GSE1: variants seen among roughly 807,000 people sequenced by gnomAD.
The protein encoded by GSE1 is Gse1 coiled-coil protein.
A neutral mutation model predicts 112.6 loss-of-function variants in GSE1; 32 were observed. The ratio of observed to expected loss-of-function variants is 0.28; its 90% CI spans 0.21 to 0.38. The LOEUF is 0.38. Ranked by LOEUF, GSE1 falls within the 10% of genes least tolerant of loss-of-function variation. GSE1 has a pLI of 1.00. For missense variants in GSE1, 2,348 were observed against 1,699.2 expected, an observed-to-expected ratio of 1.38 and a Z score of -6.71; for synonymous variants, 1,115 against 735.6, an observed-to-expected ratio of 1.52 and a Z score of -8.35.
intron 1 of GSE1, among the ~76,000 whole-genome samples, chr16:85,576,489 G>T (rs934769368): frequency 6.6e-6 from 1 of 152,152 alleles, no homozygotes; most frequent in East Asian, 1.9e-4. Flanking sequence ...TAGAGGCCTG[G>T]GGTAGATGCT....
intron 2 of GSE1, among the ~76,000 whole-genome samples, chr16:85,374,523 TGC>T (rs1194900104): frequency 1.5e-4 from 8 of 53,884 alleles, no homozygotes; most frequent in East Asian, 8.0e-4. Context: ...TGTCAGTGTG[TGC>T]GTGTGTGTGT....
At position 85,496,440 on chromosome 16, in the gene GSE1, G is replaced by A. The variant is rs570336307; in HGVS notation, c.2465-137474G>A. On this transcript the variant is annotated intron_variant, in intron 2 of 2. Coordinates refer to the GSE1 transcript ENST00000637419. Reference sequence around the variant, plus strand: ...GCACTGAGTGGAAGCTTCCAGAGAGGGAACCATTACTGTGCCCGGGAGACC... The same window carrying A: ...GCACTGAGTGGAAGCTTCCAGAGAGAGAACCATTACTGTGCCCGGGAGACC... Among the ~76,000 whole-genome samples the A allele has an allele frequency of 9.1e-4, 139 of 152,320 alleles. 1 individual carries two copies. The highest frequency in any genetic ancestry group is 8.5e-3 in the South Asian group (41 of 4,828).
At chr16:85,616,520 A>G (rs977732497) in intron 1 of GSE1, among the ~76,000 whole-genome samples, 1 of 152,186 alleles carries the variant, frequency 6.6e-6, no homozygotes, top group African/African-American at 2.4e-5. Context: ...CTCTCTGGGT[A>G]GCCTGTGAAT....
At chr16:85,344,069 G>A (rs899720823) in intron 1 of GSE1, among the ~76,000 whole-genome samples, 2 of 152,210 alleles carry the variant, frequency 1.3e-5, no homozygotes, top group Admixed American at 6.5e-5. Context: ...TGAGGACGCC[G>A]TGCCAGGGCC....
chr16:85,276,031 G>A lies in GSE1; in HGVS notation c.2284-81432G>A, dbSNP rs567351296. On this transcript the variant is annotated intron_variant, in intron 1 of 2. Coordinates refer to the GSE1 transcript ENST00000637419. The stretch of plus-strand genomic sequence containing the variant: ...CAAACAGGGACTGATAAGCAGTTGA[G>A]TCCTGTGCTAGCACAGTGCCACAGA... Among the ~76,000 whole-genome samples the A allele has an allele frequency of 1.6e-4, 25 of 152,384 alleles. No individual in the cohort carries two copies. In the South Asian group the frequency reaches 4.8e-3, roughly 29 times the overall value.
intron 2 of GSE1, among the ~76,000 whole-genome samples, chr16:85,545,928 G>A (rs532067676): frequency 1.2e-3 from 184 of 151,816 alleles, no homozygotes; most frequent in Admixed American, 0.011. Flanking sequence ...GACTACAGGC[G>A]CCCGCCACCA....
At chr16:85,569,412 G>A (rs185734050) in intron 1 of GSE1, among the ~76,000 whole-genome samples, 2 of 152,226 alleles carry the variant, frequency 1.3e-5, no homozygotes, top group African/African-American at 2.4e-5. Context: ...TTGAGTCCTT[G>A]TGTATGAGAC....
At chr16:85,229,884 GGGGGTAGA>G (rs2075552383) in intron 1 of GSE1, among the ~76,000 whole-genome samples, 1 of 152,226 alleles carries the variant, frequency 6.6e-6, no homozygotes, top group Admixed American at 6.5e-5. Context: ...AGGGTGAGAA[GGGGGTAGA>G]GGGCCCTCTT....
At chr16:85,603,390 C>T (rs1361280400) in intron 1 of GSE1, among the ~76,000 whole-genome samples, 1 of 152,218 alleles carries the variant, frequency 6.6e-6, no homozygotes, top group African/African-American at 2.4e-5. Context: ...ATCCGCACAG[C>T]CCGAAAGGGA....
intron 1 of GSE1, among the ~76,000 whole-genome samples, chr16:85,205,139 TA>T (rs1234611569): frequency 2.6e-5 from 4 of 151,996 alleles, no homozygotes; most frequent in Non-Finnish European, 5.9e-5. Flanking sequence ...ATTTATTTTT[TA>T]TTTTTTTGAG....
chr16:85,376,599 C>T (rs1033854903), intron 2 of GSE1, among the ~76,000 whole-genome samples: 2 of 152,192 alleles, frequency 1.3e-5, no homozygotes. Context: ...AGCCCTGGCT[C>T]TGTTCTCGAA....
chr16:85,628,930 C>T (rs2049300693), intron 1 of GSE1, among the ~76,000 whole-genome samples: 1 of 152,144 alleles, frequency 6.6e-6, no homozygotes, highest in African/African-American at 2.4e-5. Context: ...ATGTGTCCTC[C>T]AGTTTTGGAG....
intron 13 of GSE1, chr16:85,666,750 G>A (rs1242941715): frequency 4.5e-6 from 1 of 222,280 alleles, no homozygotes; most frequent in Non-Finnish European, 9.0e-6. Flanking sequence ...AGATGCAGAT[G>A]GCCGCCAGTC....
upstream of GSE1, among the ~76,000 whole-genome samples, chr16:85,612,032 T>C (rs1267297799): frequency 2.0e-5 from 3 of 151,732 alleles, no homozygotes; most frequent in East Asian, 2.0e-4. Context: ...GGGGTGCTGG[T>C]TTGCCCCAGG....
Position 85,368,637 on chromosome 16 carries a change from C to T in GSE1, c.2464+10994C>T, listed in dbSNP as rs183468904. ...GGAGGATCGCTTGAGCCCAGGAGTT[C>T]GAGGCTGCAGTGAGCCATGCTTGCA... On this transcript the variant is annotated intron_variant, in intron 2 of 2. Transcript: ENST00000637419. Among the ~76,000 whole-genome samples the T allele has an allele frequency of 1.9e-3, 285 of 152,242 alleles. 1 individual carries two copies. The highest frequency in any genetic ancestry group is 1.7e-3 in the Non-Finnish European group (117 of 68,014).
chr16:85,313,222 A>G (rs554834647), intron 1 of GSE1, among the ~76,000 whole-genome samples: 1 of 152,066 alleles, frequency 6.6e-6, no homozygotes, highest in Non-Finnish European at 1.5e-5. Flanking sequence ...CGGGGGCAGC[A>G]CCTGCGTGGG....
Position 85,638,599 on chromosome 16 carries a change from C to T in GSE1, c.226+4467C>T, listed in dbSNP as rs77257319. Among the ~76,000 whole-genome samples the T allele has an allele frequency of 3.0e-3, 456 of 152,214 alleles. 3 individuals carry two copies. Among genetic ancestry groups the T allele is most frequent in the African/African-American group, 0.01 (433 of 41,534 alleles). ...GGACTGGGTGGGAATGTGCCACAGCCGGGAATGGTGGCATGAGTGTCAATG... is the reference window on the plus strand; with the variant it reads ...GGACTGGGTGGGAATGTGCCACAGCTGGGAATGGTGGCATGAGTGTCAATG... On this transcript the variant is annotated intron_variant, in intron 2 of 15. Coordinates refer to ENST00000253458, the MANE Select transcript of GSE1 (RefSeq NM_014615.5).
At chr16:85,179,902 T>G (rs1343736608) in intron 1 of GSE1, among the ~76,000 whole-genome samples, 1 of 152,252 alleles carries the variant, frequency 6.6e-6, no homozygotes, top group Non-Finnish European at 1.5e-5. Flanking sequence ...TGGCTGGGTC[T>G]CAGTTTTCCC....
chr16:85,488,115 G>A (rs1381026295), intron 2 of GSE1, among the ~76,000 whole-genome samples: 1 of 152,182 alleles, frequency 6.6e-6, no homozygotes, highest in Non-Finnish European at 1.5e-5. Flanking sequence ...TCCCTCTGCA[G>A]CCAGGAAGGA....
Sources: allele counts gnomAD v4.1 joint callset (sites outside exome capture counted in the v4.1 genomes callset), GRCh38; gene constraint gnomAD v4.1.1; transcripts MANE v1.5; gene names NCBI Gene and HGNC (gene_info 2026-07-23, HGNC 2026-07-21).